COL24A1: variants seen among roughly 807,000 people sequenced by gnomAD.
COL24A1 encodes the protein collagen alpha-1(XXIV) chain.
A neutral mutation model predicts 253.9 loss-of-function variants in COL24A1; 224 were observed. The observed-to-expected ratio is 0.88, with a 90% CI of 0.79 to 0.99. COL24A1 has a LOEUF of 0.99. Ranked by LOEUF, COL24A1 falls within the 50% of genes least tolerant of loss-of-function variation. COL24A1 has a pLI of 0.00. For missense variants in COL24A1, 2,131 were observed against 2,068.5 expected (o/e 1.03, Z -0.59); for synonymous variants, 685 against 673.7 (o/e 1.02, Z -0.26).
At chr1:85,745,605 C>A (rs1665130354) in intron 55 of COL24A1, 99 bp from the exon 56 acceptor site, 1 of 801,240 alleles carries the variant, frequency 1.2e-6, no homozygotes, top group South Asian at 2.0e-5. Context: ...TTAAAGTATA[C>A]CAGACTTATT....
At chr1:85,755,011 A>G (rs1051350221) in intron 55 of COL24A1, among the ~76,000 whole-genome samples, 3 of 152,186 alleles carry the variant, frequency 2.0e-5, no homozygotes, top group African/African-American at 7.2e-5. Context: ...ATCATAATCA[A>G]ACTATCTAAT....
chr1:85,987,853 C>T (rs1214847151), intron 19 of COL24A1, among the ~76,000 whole-genome samples, 199 bp from the exon 20 acceptor site: 1 of 151,858 alleles, frequency 6.6e-6, no homozygotes, highest in African/African-American at 2.4e-5. Context: ...ATAGAATTTA[C>T]TCCATCAGTG....
At position 85,838,578 on chromosome 1, in the gene COL24A1, C is replaced by T; in HGVS notation, c.3681+7G>A. On this transcript the variant is annotated splice_region_variant and intron_variant, in intron 43 of 59. Coordinates refer to ENST00000370571, the MANE Select transcript of COL24A1 (RefSeq NM_152890.7). ...ATTCATTAGTAAGGGGTATAACTTGCAATTACCTTATATCCCTCTGCTCCA... is the reference window on the plus strand; with the variant it reads ...ATTCATTAGTAAGGGGTATAACTTGTAATTACCTTATATCCCTCTGCTCCA... 6.2e-7 allele frequency: 1 copy of T among 1,613,038 alleles called. No individual in the cohort carries two copies. The highest frequency in any genetic ancestry group is 8.5e-7 in the Non-Finnish European group (1 of 1,179,048).
At chr1:86,003,536 A>AT (rs1695636255) in intron 19 of COL24A1, among the ~76,000 whole-genome samples, 1 of 152,122 alleles carries the variant, frequency 6.6e-6, no homozygotes, top group Non-Finnish European at 1.5e-5. Context: ...CTTCAGCTTG[A>AT]TTTATGGTTG....
intron 5 of COL24A1, among the ~76,000 whole-genome samples, chr1:86,110,761 G>C (rs955929330): frequency 6.6e-6 from 1 of 152,252 alleles, no homozygotes; most frequent in South Asian, 2.1e-4. Flanking sequence ...TTCTCGCTGG[G>C]CCTCAACCGC....
chr1:85,812,093 G>A (rs980184093), intron 47 of COL24A1, among the ~76,000 whole-genome samples: 1 of 118,504 alleles, frequency 8.4e-6, no homozygotes, highest in African/African-American at 3.1e-5. Context: ...AATGTCAAAT[G>A]GCTACGCTCT....
At chr1:86,074,746 TAACA>T (rs1702127591) in intron 7 of COL24A1, among the ~76,000 whole-genome samples, 1 of 151,928 alleles carries the variant, frequency 6.6e-6, no homozygotes, top group Non-Finnish European at 1.5e-5. Flanking sequence ...ACAGAAATCA[TAACA>T]AACAGTCTCT....
chr1:86,097,420 TCTC>T (rs1485691140), intron 5 of COL24A1, among the ~76,000 whole-genome samples: 1 of 149,798 alleles, frequency 6.7e-6, no homozygotes, highest in African/African-American at 2.5e-5. Flanking sequence ...TTTTTCTACT[TCTC>T]CTCCTCCTTC....
At chr1:86,130,980 T>C (rs928002082) in intron 2 of COL24A1, among the ~76,000 whole-genome samples, 1 of 152,052 alleles carries the variant, frequency 6.6e-6, no homozygotes, top group Non-Finnish European at 1.5e-5. Flanking sequence ...TTCCCGAGTG[T>C]TGGACTTTTC....
At chr1:85,970,365 G>T in intron 21 of COL24A1, 94 bp from the exon 22 acceptor site, 1 of 1,190,794 alleles carries the variant, frequency 8.4e-7, no homozygotes, top group Non-Finnish European at 1.2e-6. Flanking sequence ...AAAATGTGAA[G>T]CTCATTCTGA....
At chr1:85,819,895 T>C (rs572545481) in intron 45 of COL24A1, among the ~76,000 whole-genome samples, 2 of 150,844 alleles carry the variant, frequency 1.3e-5, no homozygotes, top group East Asian at 3.9e-4. Flanking sequence ...TCACCCAGGT[T>C]GGAGTACAGT....
intron 14 of COL24A1, among the ~76,000 whole-genome samples, chr1:86,028,307 T>G (rs1463525017): frequency 1.3e-5 from 2 of 152,216 alleles, no homozygotes; most frequent in African/African-American, 2.4e-5. Flanking sequence ...TGATATGGTT[T>G]GGCTATGGCC....
At chr1:86,090,292 A>G (rs1390297972) in intron 6 of COL24A1, among the ~76,000 whole-genome samples, 2 of 152,106 alleles carry the variant, frequency 1.3e-5, no homozygotes, top group African/African-American at 2.4e-5. Context: ...TCCTCTGGAA[A>G]ATGAGGTTGA....
At chr1:85,831,868 T>C (rs1489420431) in intron 43 of COL24A1, among the ~76,000 whole-genome samples, 2 of 152,020 alleles carry the variant, frequency 1.3e-5, no homozygotes, top group Non-Finnish European at 2.9e-5. Flanking sequence ...GAAATAATTT[T>C]GGCAAAAAAT....
At chr1:85,918,082 G>A (rs1686075979) in intron 24 of COL24A1, among the ~76,000 whole-genome samples, 1 of 150,962 alleles carries the variant, frequency 6.6e-6, no homozygotes, top group African/African-American at 2.4e-5. Flanking sequence ...ATCTTTCATT[G>A]ACAAGAAGTC....
rs1684928589 is a variant in COL24A1, at chr1:85,907,226, G to T, written c.2746C>A (p.Pro916Thr). 1.9e-6 allele frequency: 3 copies of T among 1,611,254 alleles called. No homozygotes were observed. Among genetic ancestry groups the T allele is most frequent in the Non-Finnish European group, 2.5e-6 (3 of 1,178,092 alleles). Residue 916 changes from proline (P) to threonine (T), a missense_variant, in exon 28 of 60, where the codon CCA becomes ACA. Coordinates refer to ENST00000370571, the MANE Select transcript of COL24A1 (RefSeq NM_152890.7). ...GLPGHVGARG[P>T]PGSQGPKGQR... is the part of the protein sequence containing the mutation. The stretch of plus-strand genomic sequence containing the variant: ...CCTTTAGGACCTTGACTCCCAGGTG[G>T]TCCTCTTGCCCCCACATGACCCTAT...
At chr1:85,945,002 G>GTTTTTTGTTTTTT (rs1689135552) in intron 24 of COL24A1, among the ~76,000 whole-genome samples, 1 of 35,366 alleles carries the variant, frequency 2.8e-5, no homozygotes, top group African/African-American at 1.2e-4. Flanking sequence ...CTATCATTGT[G>GTTTTTTGTTTTTT]TTTTTTTTTT....
intron 7 of COL24A1, among the ~76,000 whole-genome samples, chr1:86,080,086 G>T (rs1702521794): frequency 6.6e-6 from 1 of 152,142 alleles, no homozygotes; most frequent in African/African-American, 2.4e-5. Flanking sequence ...GTACTATTCA[G>T]CCATACAAAA....
chr1:85,856,798 C>A lies in COL24A1; in HGVS notation c.3301-7392G>T, dbSNP rs544809395. 2.0e-5 allele frequency among the ~76,000 whole-genome samples: 3 copies of A among 152,274 alleles called. No homozygotes were observed. The South Asian group carries it at 6.2e-4, about 32-fold the overall frequency. On this transcript the variant is annotated intron_variant, in intron 37 of 59. Coordinates refer to ENST00000370571, the MANE Select transcript of COL24A1 (RefSeq NM_152890.7). ...GTTCAGCCTCAGGTGTCTGTACGCC[C>A]AAAGGCTGAATGCCTTAAAATAATA...
Sources: allele counts gnomAD v4.1 joint callset (sites outside exome capture counted in the v4.1 genomes callset), GRCh38; gene constraint gnomAD v4.1.1; transcripts MANE v1.5; gene names NCBI Gene and HGNC (gene_info 2026-07-23, HGNC 2026-07-21).